Variants in SUGCT observed in about 807,000 individuals in gnomAD.
SUGCT encodes the protein succinyl-CoA:glutarate-CoA transferase.
SUGCT carries 41 observed loss-of-function variants against 55.0 expected under a neutral mutation model. The observed-to-expected ratio is 0.74, with a 90% confidence interval of 0.58 to 0.97. The LOEUF is 0.97. Among genes scored for constraint, SUGCT ranks in the 50% least tolerant of loss-of-function variants. SUGCT has a pLI of 0.00. For synonymous variants in SUGCT, 187 were observed against 200.4 expected, an observed-to-expected ratio of 0.93 and a Z score of 0.56; for missense variants, 568 against 547.8, an observed-to-expected ratio of 1.04 and a Z score of -0.37.
chr7:40,811,679 G>C (rs1791424088), intron 13 of SUGCT, among the ~76,000 whole-genome samples: 1 of 152,010 alleles, frequency 6.6e-6, no homozygotes, highest in Non-Finnish European at 1.5e-5. Flanking sequence ...GGAGTTTTTT[G>C]GGTTTTCTAG....
intron 12 of SUGCT, among the ~76,000 whole-genome samples, chr7:40,497,955 A>T (rs1792078839): frequency 6.6e-6 from 1 of 152,226 alleles, no homozygotes; most frequent in East Asian, 1.9e-4. Context: ...TCTTAAAATA[A>T]TTCACTTTAT....
At chr7:40,586,532 G>GA (rs925469076) in intron 12 of SUGCT, among the ~76,000 whole-genome samples, 1 of 152,196 alleles carries the variant, frequency 6.6e-6, no homozygotes, top group African/African-American at 2.4e-5. Context: ...GAAGCAGAGA[G>GA]AAGGGGTGAG....
At chr7:40,414,820 A>C (rs973226759) in intron 9 of SUGCT, among the ~76,000 whole-genome samples, 1 of 152,006 alleles carries the variant, frequency 6.6e-6, no homozygotes, top group African/African-American at 2.4e-5. Context: ...AGGTGGGTGA[A>C]TCACCTGAGG....
At chr7:40,854,478 C>CTT (rs1428451995) in intron 13 of SUGCT, among the ~76,000 whole-genome samples, 1 of 79,426 alleles carries the variant, frequency 1.3e-5, no homozygotes, top group Non-Finnish European at 2.7e-5. Flanking sequence ...CTTTCTTTCT[C>CTT]TTTCTCTCTT....
chr7:40,939,577 A>G, the SUGCT span, among the ~76,000 whole-genome samples: 3 of 152,132 alleles, frequency 2.0e-5, no homozygotes, highest in African/African-American at 7.2e-5. Flanking sequence ...AATAATGGCC[A>G]TTCTGGCTGA....
chr7:40,153,348 G>C (rs1250075089), intron 1 of SUGCT: 2 of 363,728 alleles, frequency 5.5e-6, no homozygotes, highest in Non-Finnish European at 1.1e-5. Context: ...CCTCAAATGA[G>C]ACTGGAAGAG....
At chr7:40,286,425 A>G (rs1170483384) in intron 8 of SUGCT, among the ~76,000 whole-genome samples, 2 of 152,164 alleles carry the variant, frequency 1.3e-5, no homozygotes, top group Admixed American at 1.3e-4. Context: ...ATAATCCAGG[A>G]TAATCTCCCA....
intron 7 of SUGCT, among the ~76,000 whole-genome samples, chr7:40,261,337 C>T (rs994129744): frequency 5.3e-5 from 8 of 152,078 alleles, no homozygotes; most frequent in Middle Eastern, 3.2e-3. Flanking sequence ...GAAATAGGTC[C>T]GGGTCACACA....
At chr7:40,144,586 G>A (rs931362039) in intron 1 of SUGCT, among the ~76,000 whole-genome samples, 4 of 152,108 alleles carry the variant, frequency 2.6e-5, no homozygotes, top group African/African-American at 9.7e-5. Context: ...TCTTCAGGCT[G>A]TTGCTGGTTT....
intron 8 of SUGCT, among the ~76,000 whole-genome samples, chr7:40,315,462 C>T (rs149637128): frequency 0.016 from 2,362 of 152,336 alleles, 42 homozygotes; most frequent in African/African-American, 0.049. Flanking sequence ...TTAGTTTTGC[C>T]ACCTGGGCTG....
Position 40,521,686 on chromosome 7 carries a change from C to T in SUGCT, c.1089+25300C>T, listed in dbSNP as rs556438163. 1.4e-4 allele frequency among the ~76,000 whole-genome samples: 21 copies of T among 151,894 alleles called. 1 individual carries two copies. The South Asian group carries it at 4.2e-3, about 30-fold the overall frequency. On this transcript the variant is annotated intron_variant, in intron 12 of 13. Coordinates refer to ENST00000335693, the MANE Select transcript of SUGCT (RefSeq NM_001193313.2). ...TCATTTTATTTTTTTTAGAGATTAACTTTTCATGTAGTACTAGGTAAGAAA... is the reference window on the plus strand; with the variant it reads ...TCATTTTATTTTTTTTAGAGATTAATTTTTCATGTAGTACTAGGTAAGAAA...
At chr7:40,576,062 G>A (rs763740037) in intron 12 of SUGCT, among the ~76,000 whole-genome samples, 2 of 151,542 alleles carry the variant, frequency 1.3e-5, no homozygotes, top group African/African-American at 2.4e-5. Context: ...ATAATTCACC[G>A]TTGCTCATGT....
chr7:40,506,020 A>C (rs1352088614), intron 12 of SUGCT, among the ~76,000 whole-genome samples: 3 of 152,144 alleles, frequency 2.0e-5, no homozygotes, highest in Non-Finnish European at 4.4e-5. Flanking sequence ...TTTTAAATCA[A>C]TCAAGAGAAG....
intron 12 of SUGCT, among the ~76,000 whole-genome samples, chr7:40,585,544 T>C (rs1797328967): frequency 6.6e-6 from 1 of 152,172 alleles, no homozygotes; most frequent in African/African-American, 2.4e-5. Flanking sequence ...TGACAATTAC[T>C]TTATTTTTTG....
chr7:40,885,553 A>T, the SUGCT span, among the ~76,000 whole-genome samples: 1 of 152,078 alleles, frequency 6.6e-6, no homozygotes, highest in Non-Finnish European at 1.5e-5. Flanking sequence ...TTTTCATGCC[A>T]TCAGACTGAC....
At position 40,255,838 on chromosome 7, in the gene SUGCT, A is replaced by G. The variant is rs894568996; in HGVS notation, c.576+18112A>G. ...TGGTCTTGATCTACTGCCATCTTGTACATAGATCTTTGAAATTCTCTATTC... is the reference window on the plus strand; with the variant it reads ...TGGTCTTGATCTACTGCCATCTTGTGCATAGATCTTTGAAATTCTCTATTC... On this transcript the variant is annotated intron_variant, in intron 7 of 13. Coordinates refer to ENST00000335693, the MANE Select transcript of SUGCT (RefSeq NM_001193313.2). 2.0e-5 allele frequency among the ~76,000 whole-genome samples: 3 copies of G among 152,202 alleles called. No homozygotes were observed. In the East Asian group the frequency reaches 5.8e-4, roughly 29 times the overall value.
At chr7:40,397,967 G>A (rs1255814756) in intron 9 of SUGCT, among the ~76,000 whole-genome samples, 2 of 152,154 alleles carry the variant, frequency 1.3e-5, no homozygotes, top group Admixed American at 6.5e-5. Flanking sequence ...CAAATCACAG[G>A]TTCTAGCTTA....
intron 11 of SUGCT, among the ~76,000 whole-genome samples, chr7:40,485,894 T>C (rs1469901325): frequency 6.6e-6 from 1 of 152,196 alleles, no homozygotes; most frequent in Non-Finnish European, 1.5e-5. Flanking sequence ...ATCGTTTTAA[T>C]ATGCTGTTGA....
At chr7:40,603,857 C>A (rs1438168730) in intron 12 of SUGCT, among the ~76,000 whole-genome samples, 1 of 152,164 alleles carries the variant, frequency 6.6e-6, no homozygotes, top group Non-Finnish European at 1.5e-5. Flanking sequence ...ATGATCTTCC[C>A]AACATGCAAA....
Sources: allele counts gnomAD v4.1 joint callset (sites outside exome capture counted in the v4.1 genomes callset), GRCh38; gene constraint gnomAD v4.1.1; transcripts MANE v1.5; gene names NCBI Gene and HGNC (gene_info 2026-07-23, HGNC 2026-07-21).